Variants in FILIP1L observed in about 807,000 individuals in gnomAD.
The protein encoded by FILIP1L is filamin A interacting protein 1 like, also known as filamin A-interacting protein 1-like.
FILIP1L carries 55 observed loss-of-function variants against 96.6 expected under a neutral mutation model. The observed-to-expected ratio is 0.57, with a 90% CI of 0.46 to 0.71. FILIP1L has a LOEUF of 0.71. FILIP1L is among the 30% of genes least tolerant of loss of function. The pLI is 0.00. For missense variants in FILIP1L, 1,304 were observed against 1,321.2 expected (o/e 0.99, Z 0.20); for synonymous variants, 467 against 473.9 (o/e 0.99, Z 0.19).
intron 1 of FILIP1L, among the ~76,000 whole-genome samples, chr3:100,102,827 G>T (rs2066332347): frequency 1.3e-5 from 2 of 152,194 alleles, no homozygotes; most frequent in South Asian, 4.1e-4. Flanking sequence ...AAAGTATTTT[G>T]CAGTGCTATA....
At chr3:99,929,522 G>GTGTT (rs1315601190) in intron 3 of FILIP1L, among the ~76,000 whole-genome samples, 1 of 150,130 alleles carries the variant, frequency 6.7e-6, no homozygotes, top group Non-Finnish European at 1.5e-5. Context: ...GAGTGTGTGT[G>GTGTT]TGTGTGTGTG....
At chr3:99,838,502 G>A (rs188492976) in intron 5 of FILIP1L, among the ~76,000 whole-genome samples, 1 of 152,276 alleles carries the variant, frequency 6.6e-6, no homozygotes, top group East Asian at 1.9e-4. Flanking sequence ...CATATGTTTA[G>A]GGACATTCTG....
At chr3:99,880,823 T>G (rs981210663) in intron 4 of FILIP1L, among the ~76,000 whole-genome samples, 1 of 152,220 alleles carries the variant, frequency 6.6e-6, no homozygotes, top group South Asian at 2.1e-4. Context: ...TTTCTTTTAG[T>G]CTTTTTCTAA....
rs759114259 is a variant in FILIP1L, at chr3:99,848,586, C to T, written c.3090G>A (p.Ala1030=). 5 of 1,614,046 alleles carry T rather than the reference C, an allele frequency of 3.1e-6. No homozygotes were observed. The highest frequency in any genetic ancestry group is 2.7e-5 in the African/African-American group (2 of 74,918). The change falls in exon 5 of 6, where the codon GCG becomes GCA. Residue 1030 remains alanine, a synonymous_variant. Coordinates refer to ENST00000477258, the MANE Select transcript of FILIP1L (RefSeq NM_001387850.1). ...PEPTEISAKH[A]IFRVSPDRQS... is the part of the protein sequence containing the mutation. The stretch of plus-strand genomic sequence containing the variant: ...GCCGGTCTGGGGAGACTCTGAATAT[C>T]GCATGCTTGGCACTGATTTCTGTTG...
At chr3:99,947,689 C>A (rs1576593403) in intron 1 of FILIP1L, among the ~76,000 whole-genome samples, 1 of 152,120 alleles carries the variant, frequency 6.6e-6, no homozygotes, top group Admixed American at 6.5e-5. Flanking sequence ...ATTCTTTTTC[C>A]CTTACCAAAT....
intron 1 of FILIP1L, among the ~76,000 whole-genome samples, chr3:99,974,447 C>T (rs536269186): frequency 9.1e-4 from 139 of 152,262 alleles, no homozygotes; most frequent in African/African-American, 3.1e-3. Context: ...CAGTGGCTCA[C>T]GCCTGTAATC....
intron 1 of FILIP1L, among the ~76,000 whole-genome samples, chr3:100,075,130 C>G (rs1304250164): frequency 6.6e-6 from 1 of 152,066 alleles, no homozygotes; most frequent in African/African-American, 2.4e-5. Context: ...GGGTCAAACC[C>G]AGATTCTCCC....
At chr3:100,057,563 A>T (rs577553086) in intron 1 of FILIP1L, among the ~76,000 whole-genome samples, 13 of 152,308 alleles carry the variant, frequency 8.5e-5, no homozygotes, top group Admixed American at 3.3e-4. Flanking sequence ...TCTCTGTAAA[A>T]GTCTGCTCCC....
intron 4 of FILIP1L, among the ~76,000 whole-genome samples, chr3:99,870,154 T>G (rs1182115913): frequency 2.6e-5 from 4 of 152,220 alleles, no homozygotes; most frequent in Admixed American, 2.6e-4. Context: ...TACTGAGAAA[T>G]ACTTGGGGTG....
At chr3:99,949,246 A>G (rs1708105330) in intron 1 of FILIP1L, among the ~76,000 whole-genome samples, 1 of 152,216 alleles carries the variant, frequency 6.6e-6, no homozygotes, top group South Asian at 2.1e-4. Flanking sequence ...CTAGGCCTAC[A>G]AAAAAACTTT....
At chr3:99,915,787 T>G (rs1706931772) in intron 4 of FILIP1L, among the ~76,000 whole-genome samples, 1 of 152,198 alleles carries the variant, frequency 6.6e-6, no homozygotes, top group African/African-American at 2.4e-5. Flanking sequence ...TATCCTTTGT[T>G]GTCATTAGCC....
chr3:99,947,666 A>G (rs1219776246), intron 1 of FILIP1L, among the ~76,000 whole-genome samples: 1 of 152,146 alleles, frequency 6.6e-6, no homozygotes, highest in Admixed American at 6.5e-5. Flanking sequence ...TCATTATTCT[A>G]CCTCCCCTCT....
chr3:100,033,466 G>A (rs2065053910), intron 1 of FILIP1L, among the ~76,000 whole-genome samples: 1 of 152,122 alleles, frequency 6.6e-6, no homozygotes, highest in Non-Finnish European at 1.5e-5. Flanking sequence ...TGAAGGTCTT[G>A]ACTAATGTTT....
At position 99,941,502 on chromosome 3, in the gene FILIP1L, G is replaced by A. The variant is rs76667186; in HGVS notation, c.-10-10472C>T. 4.5e-3 allele frequency among the ~76,000 whole-genome samples: 689 copies of A among 152,298 alleles called. 7 individuals carry two copies. Among genetic ancestry groups the A allele is most frequent in the African/African-American group, 0.016 (675 of 41,564 alleles). On this transcript the variant is annotated intron_variant, in intron 1 of 5. Transcript: ENST00000477258. ...AAGGTGGATGAAAAACACAGTATGT[G>A]GGGAATATCAAATTGTGCCTATGCT...
intron 1 of FILIP1L, among the ~76,000 whole-genome samples, chr3:99,996,060 CT>C (rs1709670082): frequency 6.6e-6 from 1 of 152,084 alleles, no homozygotes; most frequent in Non-Finnish European, 1.5e-5. Flanking sequence ...ATGGGTTTTT[CT>C]TTTCTATCAC....
intron 4 of FILIP1L, among the ~76,000 whole-genome samples, chr3:99,922,102 C>A (rs1707143686): frequency 6.6e-6 from 1 of 152,186 alleles, no homozygotes; most frequent in South Asian, 2.1e-4. Flanking sequence ...GTGGTAAGCC[C>A]CCTGGGCAGG....
At chr3:99,974,924 C>G (rs191442501) in intron 1 of FILIP1L, among the ~76,000 whole-genome samples, 18 of 152,284 alleles carry the variant, frequency 1.2e-4, no homozygotes, top group African/African-American at 4.3e-4. Flanking sequence ...CTCTGTAAAC[C>G]TGGGCGTGTT....
At chr3:99,993,462 C>T (rs1709583410) in intron 1 of FILIP1L, among the ~76,000 whole-genome samples, 2 of 151,904 alleles carry the variant, frequency 1.3e-5, no homozygotes, top group South Asian at 4.2e-4. Context: ...ATTTGAATGC[C>T]TCTTATTTCT....
chr3:99,834,437 T>G (rs1460961361), intron 5 of FILIP1L, among the ~76,000 whole-genome samples: 3 of 152,186 alleles, frequency 2.0e-5, no homozygotes, highest in Non-Finnish European at 4.4e-5. Flanking sequence ...CTGTGGAAAT[T>G]ATACAGTCAG....
Sources: gnomAD v4.1 joint callset for allele counts (sites outside exome capture counted in the v4.1 genomes callset) on GRCh38, gnomAD v4.1.1 for gene constraint, MANE v1.5 for transcripts, NCBI Gene and HGNC (gene_info 2026-07-23, HGNC 2026-07-21) for gene names.